CPA6: variants seen among roughly 807,000 people sequenced by gnomAD.
The protein encoded by CPA6 is carboxypeptidase A6, also known as carboxypeptidase B.
In CPA6, 58 loss-of-function variants were observed where a neutral mutation model predicts 63.3. The observed-to-expected ratio is 0.92, with a 90% CI of 0.74 to 1.14. The LOEUF is 1.14. CPA6 is among the 50% of genes most tolerant of loss of function. The pLI, the probability that CPA6 is intolerant of heterozygous loss-of-function variation, is 0.00. For synonymous variants in CPA6, 185 were observed against 179.0 expected (o/e 1.03, Z -0.27); for missense variants, 565 against 526.6 (o/e 1.07, Z -0.71).
Position 67,716,017 on chromosome 8 carries a change from G to T in CPA6, c.116+29997C>A, listed in dbSNP as rs773650000. On this transcript the variant is annotated intron_variant, in intron 1 of 10. Coordinates refer to ENST00000297770, the MANE Select transcript of CPA6 (RefSeq NM_020361.5). ...AAAAATACAAAAATTAGCTGGGTGT[G>T]GTGGCAGGCACCTGCAATCCCAGCT... 3.3e-5 allele frequency among the ~76,000 whole-genome samples: 5 copies of T among 152,094 alleles called. No homozygotes were observed. The East Asian group carries it at 9.6e-4, about 29-fold the overall frequency.
chr8:67,476,698 C>A (rs1464881465), intron 8 of CPA6, among the ~76,000 whole-genome samples: 1 of 152,072 alleles, frequency 6.6e-6, no homozygotes, highest in Non-Finnish European at 1.5e-5. Flanking sequence ...CAACTTGATC[C>A]CTAAGGAGTC....
At chr8:67,630,054 G>A (rs1292237572) in intron 1 of CPA6, among the ~76,000 whole-genome samples, 4 of 151,506 alleles carry the variant, frequency 2.6e-5, no homozygotes, top group Non-Finnish European at 4.4e-5. Context: ...GTAGTGAGCC[G>A]AGATTGCACC....
intron 1 of CPA6, among the ~76,000 whole-genome samples, chr8:67,744,844 A>G (rs1817978840): frequency 6.6e-6 from 1 of 152,136 alleles, no homozygotes; most frequent in Non-Finnish European, 1.5e-5. Context: ...ATCCGTGATC[A>G]TATTGCCATC....
At chr8:67,670,160 C>T (rs566113291) in intron 1 of CPA6, among the ~76,000 whole-genome samples, 5 of 152,132 alleles carry the variant, frequency 3.3e-5, no homozygotes, top group Non-Finnish European at 7.4e-5. Context: ...TAAAGAAATA[C>T]GTGAGACTGT....
chr8:67,690,525 A>G (rs1816794582), intron 1 of CPA6, among the ~76,000 whole-genome samples: 1 of 152,242 alleles, frequency 6.6e-6, no homozygotes, highest in Non-Finnish European at 1.5e-5. Context: ...TATGTTATTT[A>G]AACCATAAAT....
intron 1 of CPA6, among the ~76,000 whole-genome samples, chr8:67,653,936 G>A (rs1815914154): frequency 6.6e-6 from 1 of 151,324 alleles, no homozygotes; most frequent in South Asian, 2.1e-4. Context: ...AATTTATTGA[G>A]AGTTTTTAGC....
At chr8:67,690,185 CT>C (rs1816787975) in intron 1 of CPA6, among the ~76,000 whole-genome samples, 2 of 152,088 alleles carry the variant, frequency 1.3e-5, no homozygotes, top group Admixed American at 1.3e-4. Flanking sequence ...AGTTCTGTAT[CT>C]TATAGGTGGT....
chr8:67,641,667 AAAGTC>A (rs1254412762), intron 1 of CPA6, among the ~76,000 whole-genome samples: 1 of 152,224 alleles, frequency 6.6e-6, no homozygotes, highest in Non-Finnish European at 1.5e-5. Flanking sequence ...ACTTTTCTTC[AAAGTC>A]AAGAATAAGA....
At chr8:67,468,069 CAAAT>C (rs780315993) in intron 8 of CPA6, among the ~76,000 whole-genome samples, 3 of 151,624 alleles carry the variant, frequency 2.0e-5, no homozygotes, top group South Asian at 4.2e-4. Context: ...AACAAACAAA[CAAAT>C]AACCCCAAAA....
intron 2 of CPA6, among the ~76,000 whole-genome samples, chr8:67,589,199 A>T (rs1814036321): frequency 6.6e-6 from 1 of 152,082 alleles, no homozygotes; most frequent in Non-Finnish European, 1.5e-5. Flanking sequence ...AGAATGTGGT[A>T]GTTTTATAAT....
In CPA6 at chr8:67,496,542, TA is replaced by T. The variant is rs1563976152; in HGVS notation, c.636+10244del. 2.4e-3 allele frequency among the ~76,000 whole-genome samples: 332 copies of T among 139,758 alleles called. 6 individuals are homozygous for T. The highest frequency in any genetic ancestry group is 8.3e-3 in the African/African-American group (304 of 36,766). The allele number at this position is 139,758 out of a possible 152,430, so 91.7% of individuals were successfully genotyped here. On this transcript the variant is annotated intron_variant, in intron 6 of 10. Coordinates refer to ENST00000297770, the MANE Select transcript of CPA6 (RefSeq NM_020361.5). The stretch of plus-strand genomic sequence containing the variant: ...GTTTATATATATATATATATATATA[TA>T]TATATATATATATATTTATTTTATT...
In CPA6 at chr8:67,637,340, C is replaced by T. The variant is rs142406758; in HGVS notation, c.117-13089G>A. On this transcript the variant is annotated intron_variant, in intron 1 of 10. Transcript: ENST00000297770. ...ATTATATGCTTTGAGAATTTCTTCT[C>T]CCATTAGCATAAATCAGAGAGGAGA... Among the ~76,000 whole-genome samples the T allele has an allele frequency of 1.2e-4, 18 of 151,642 alleles. 1 individual carries two copies. The highest frequency in any genetic ancestry group is 4.4e-4 in the African/African-American group (18 of 40,988).
intron 2 of CPA6, among the ~76,000 whole-genome samples, chr8:67,540,774 C>G (rs1818156): frequency 6.6e-6 from 1 of 152,044 alleles, no homozygotes; most frequent in South Asian, 2.1e-4. Context: ...CCACCCAGTT[C>G]GAACTTCCTG....
intron 2 of CPA6, among the ~76,000 whole-genome samples, chr8:67,525,862 G>A: frequency 6.6e-6 from 1 of 152,148 alleles, no homozygotes. Context: ...AGGCATTGGA[G>A]ACCCGCAAAA....
At chr8:67,564,163 C>T (rs569438152) in intron 2 of CPA6, among the ~76,000 whole-genome samples, 6 of 152,168 alleles carry the variant, frequency 3.9e-5, no homozygotes, top group African/African-American at 1.4e-4. Context: ...AAGAGTTTAT[C>T]ATCTTGTTGG....
chr8:67,660,824 T>C (rs938931850), intron 1 of CPA6, among the ~76,000 whole-genome samples: 1 of 152,156 alleles, frequency 6.6e-6, no homozygotes, highest in African/African-American at 2.4e-5. Context: ...TTTATTTTGT[T>C]ATAGTTCACT....
At position 67,611,085 on chromosome 8, in the gene CPA6, CTTCTT is replaced by C. The variant is rs1474970623; in HGVS notation, c.192+13086_192+13090del. 4.6e-5 allele frequency among the ~76,000 whole-genome samples: 5 copies of C among 108,852 alleles called. No individual in the cohort carries two copies. In the South Asian group the frequency reaches 1.2e-3, roughly 26 times the overall value. The allele number at this position is 108,852 out of a possible 152,430, so 71.4% of individuals were successfully genotyped here. ...TACCATGGCCATGGCCTTTTCACTC[CTTCTT>C]TTTTTTTTTTGAGATGGAGTATTGC... On this transcript the variant is annotated intron_variant, in intron 2 of 10. Coordinates refer to ENST00000297770, the MANE Select transcript of CPA6 (RefSeq NM_020361.5).
At chr8:67,453,708 G>T (rs537686557) in intron 8 of CPA6, among the ~76,000 whole-genome samples, 3 of 151,980 alleles carry the variant, frequency 2.0e-5, no homozygotes, top group Non-Finnish European at 4.4e-5. Context: ...ACACCCTGAG[G>T]CTGGGTTAGG....
At chr8:67,568,997 C>T (rs1813415471) in intron 2 of CPA6, among the ~76,000 whole-genome samples, 1 of 152,148 alleles carries the variant, frequency 6.6e-6, no homozygotes, top group African/African-American at 2.4e-5. Context: ...GTGATCCACC[C>T]ACCTTGGCCT....
Sources: allele counts gnomAD v4.1 joint callset (sites outside exome capture counted in the v4.1 genomes callset), GRCh38; gene constraint gnomAD v4.1.1; transcripts MANE v1.5; gene names NCBI Gene and HGNC (gene_info 2026-07-23, HGNC 2026-07-21).